The following LRP1B variants were observed in gnomAD, a reference collection of about 807,000 sequenced individuals.
LRP1B encodes the protein LDL receptor related protein 1B.
LRP1B carries 217 observed loss-of-function variants against 556.6 expected under a neutral mutation model. The ratio of observed to expected loss-of-function variants is 0.39; its 90% confidence interval spans 0.35 to 0.44. LRP1B has a LOEUF of 0.44. Ranked by LOEUF, LRP1B falls within the 20% of genes least tolerant of loss-of-function variation. LRP1B has a pLI of 1.00. For missense variants in LRP1B, 5,053 were observed against 5,620.8 expected, an observed-to-expected ratio of 0.90 and a Z score of 3.23; for synonymous variants, 2,047 against 1,865.8, an observed-to-expected ratio of 1.10 and a Z score of -2.50.
chr2:140,849,389 CAAAAAACAAAAAACAAAATCCAAAAAAA>C lies in LRP1B; in HGVS notation c.4939+685_4939+712del, dbSNP rs1286912073. ...TCTGTCTCAAAAAAAAAACAAAAAA[CAAAAAACAAAAAACAAAATCCAAAAAAA>C]AAAAAACAGGGAAGCCAGTCCTTCC... On this transcript the variant is annotated intron_variant, in intron 29 of 90. Coordinates refer to ENST00000389484, the MANE Select transcript of LRP1B (RefSeq NM_018557.3). Among the ~76,000 whole-genome samples the C allele has an allele frequency of 9.3e-4, 57 of 61,204 alleles. 1 individual carries two copies. The South Asian group carries it at 0.019, about 21-fold the overall frequency. The allele number at this position is 61,204 out of a possible 152,430, so 40.2% of individuals were successfully genotyped here. A position where few individuals can be genotyped will look rare whatever the true frequency, so the allele number is the denominator to read the frequency against.
intron 2 of LRP1B, among the ~76,000 whole-genome samples, chr2:141,612,816 A>G (rs922087446): frequency 1.4e-4 from 21 of 152,034 alleles, no homozygotes; most frequent in Non-Finnish European, 3.1e-4. Flanking sequence ...TTAAGTATAT[A>G]TACAGAGAGA....
At chr2:140,595,889 T>G (rs1447552216) in intron 43 of LRP1B, among the ~76,000 whole-genome samples, 1 of 152,168 alleles carries the variant, frequency 6.6e-6, no homozygotes, top group Non-Finnish European at 1.5e-5. Flanking sequence ...AGAAGTAAAC[T>G]TCCAACTTTC....
At chr2:140,877,436 C>T (rs2105175152) in intron 25 of LRP1B, among the ~76,000 whole-genome samples, 1 of 152,178 alleles carries the variant, frequency 6.6e-6, no homozygotes, top group African/African-American at 2.4e-5. Flanking sequence ...AACCTGAAAC[C>T]AGAGACTCAT....
intron 1 of LRP1B, among the ~76,000 whole-genome samples, chr2:141,893,723 C>T (rs780640156): frequency 7.2e-5 from 11 of 152,014 alleles, no homozygotes; most frequent in Non-Finnish European, 1.2e-4. Context: ...AAAACTACTC[C>T]GTTTACCTTG....
intron 5 of LRP1B, among the ~76,000 whole-genome samples, chr2:141,232,245 A>T (rs1056322277): frequency 3.9e-5 from 6 of 152,180 alleles, no homozygotes; most frequent in African/African-American, 1.4e-4. Flanking sequence ...CTGTTGGATC[A>T]TAGATTTCTC....
intron 7 of LRP1B, among the ~76,000 whole-genome samples, chr2:141,145,626 C>T (rs913078146): frequency 5.3e-5 from 8 of 150,388 alleles, no homozygotes; most frequent in Non-Finnish European, 8.9e-5. Context: ...CTCTGCCTCC[C>T]GGGTTCAAGT....
At chr2:140,916,070 G>A (rs1694570737) in intron 21 of LRP1B, among the ~76,000 whole-genome samples, 1 of 151,902 alleles carries the variant, frequency 6.6e-6, no homozygotes, top group Non-Finnish European at 1.5e-5. Context: ...AGGAATCAAG[G>A]AAAAATATAG....
intron 32 of LRP1B, among the ~76,000 whole-genome samples, chr2:140,803,881 C>T (rs1690614260): frequency 6.9e-6 from 1 of 145,140 alleles, no homozygotes; most frequent in Non-Finnish European, 1.5e-5. Context: ...CCCCAACCCC[C>T]CCAAAAAAAA....
intron 3 of LRP1B, among the ~76,000 whole-genome samples, chr2:141,365,655 C>CTTTTTTTTTTTTTTTTGG (rs781538829): frequency 0.014 from 1,636 of 120,990 alleles, 36 homozygotes; most frequent in African/African-American, 0.036. Context: ...GTTTTTGTTG[C>CTTTTTTTTTTTTTTTTGG]TTTTTTTTTT....
chr2:140,511,572 G>A (rs7560533), intron 51 of LRP1B, among the ~76,000 whole-genome samples: 69,405 of 151,918 alleles, frequency 0.46, 16,388 homozygotes, highest in South Asian at 0.56. Flanking sequence ...AAGTGCTGGG[G>A]TTACAGGCGT....
At chr2:141,358,290 A>C (rs1024894746) in intron 3 of LRP1B, among the ~76,000 whole-genome samples, 1 of 152,244 alleles carries the variant, frequency 6.6e-6, no homozygotes, top group Non-Finnish European at 1.5e-5. Flanking sequence ...ATAGGAAGCC[A>C]CTATCACCCT....
chr2:140,295,345 A>C (rs565790486), intron 84 of LRP1B, among the ~76,000 whole-genome samples: 1 of 152,308 alleles, frequency 6.6e-6, no homozygotes, highest in African/African-American at 2.4e-5. Context: ...AGGCTAGCCT[A>C]ATATGATAAG....
chr2:140,444,814 T>C, intron 63 of LRP1B, 135 bp from the exon 64 acceptor site: 1 of 618,378 alleles, frequency 1.6e-6, no homozygotes, highest in Non-Finnish European at 2.9e-6. Context: ...CTCATCTCGA[T>C]AGCTATTAGA....
chr2:140,396,339 A>AGAT (rs1164773884), intron 66 of LRP1B, among the ~76,000 whole-genome samples: 3 of 152,216 alleles, frequency 2.0e-5, no homozygotes, highest in African/African-American at 7.2e-5. Flanking sequence ...ATCTTAAAAT[A>AGAT]GATATTTGAT....
intron 72 of LRP1B, among the ~76,000 whole-genome samples, chr2:140,360,947 CTCTT>C (rs1446612653): frequency 6.6e-6 from 1 of 151,318 alleles, no homozygotes; most frequent in Non-Finnish European, 1.5e-5. Context: ...TGAGCACAAT[CTCTT>C]TAATGATTTT....
At chr2:140,340,286 TATAAA>T (rs572326636) in intron 77 of LRP1B, among the ~76,000 whole-genome samples, 17 of 151,708 alleles carry the variant, frequency 1.1e-4, no homozygotes, top group Admixed American at 2.0e-4. Flanking sequence ...TTATAAGGTG[TATAAA>T]ATAAAGACTT....
At chr2:141,283,642 A>T (rs1685592073) in intron 3 of LRP1B, among the ~76,000 whole-genome samples, 2 of 130,082 alleles carry the variant, frequency 1.5e-5, no homozygotes, top group Non-Finnish European at 1.6e-5. Flanking sequence ...TTTTTTTGAG[A>T]CGCAGTGTAG....
At chr2:140,743,557 C>T (rs1472697554) in intron 35 of LRP1B, among the ~76,000 whole-genome samples, 1 of 152,168 alleles carries the variant, frequency 6.6e-6, no homozygotes, top group African/African-American at 2.4e-5. Context: ...AGCACCTCCT[C>T]ATAAGGTTCT....
At chr2:141,738,969 C>T (rs1693595033) in intron 2 of LRP1B, among the ~76,000 whole-genome samples, 1 of 152,106 alleles carries the variant, frequency 6.6e-6, no homozygotes, top group East Asian at 1.9e-4. Context: ...TATATCCACA[C>T]AGACACATTG....
Sources: allele counts gnomAD v4.1 joint callset (sites outside exome capture counted in the v4.1 genomes callset), GRCh38; gene constraint gnomAD v4.1.1; transcripts MANE v1.5; gene names NCBI Gene and HGNC (gene_info 2026-07-23, HGNC 2026-07-21).